Variants in TMEM44 observed in about 807,000 individuals in gnomAD.
TMEM44 encodes the protein transmembrane protein 44.
Under a neutral mutation model 47.8 loss-of-function variants are expected in TMEM44, and 43 were observed. The ratio of observed to expected loss-of-function variants is 0.90; its 90% confidence interval spans 0.70 to 1.16. The LOEUF is 1.16. TMEM44 is among the 50% of genes most tolerant of loss of function. The probability of loss-of-function intolerance (pLI) is 0.00; values close to 1 mark genes in which losing one functional copy is unlikely to be tolerated. For missense variants in TMEM44, 568 were observed against 555.2 expected (o/e 1.02, Z -0.23); for synonymous variants, 277 against 238.8 (o/e 1.16, Z -1.48).
intron 8 of TMEM44, among the ~76,000 whole-genome samples, chr3:194,609,112 T>G (rs1715057574): frequency 6.6e-6 from 1 of 152,012 alleles, no homozygotes; most frequent in Non-Finnish European, 1.5e-5. Context: ...TTTACTAAGA[T>G]GAGGAAGATG....
chr3:194,606,871 T>C (rs1295018425), intron 8 of TMEM44, among the ~76,000 whole-genome samples: 1 of 140,738 alleles, frequency 7.1e-6, no homozygotes, highest in Non-Finnish European at 1.5e-5. Flanking sequence ...GAGAATCTCT[T>C]GAACACAGGA....
At chr3:194,618,537 ATAAAT>A (rs1233535092) in intron 5 of TMEM44, among the ~76,000 whole-genome samples, 16 of 134,390 alleles carry the variant, frequency 1.2e-4, no homozygotes, top group Non-Finnish European at 1.9e-4. Context: ...TTAGTTTTAT[ATAAAT>A]TAAATTATAT....
intron 1 of TMEM44, among the ~76,000 whole-genome samples, chr3:194,632,643 G>A (rs1420488299): frequency 1.3e-5 from 2 of 152,186 alleles, no homozygotes; most frequent in Non-Finnish European, 2.9e-5. Context: ...TGGCCTAGCT[G>A]GAGCAATACA....
At chr3:194,623,366 C>A in intron 4 of TMEM44, 56 bp from the exon 5 acceptor site, 1 of 1,540,326 alleles carries the variant, frequency 6.5e-7, no homozygotes, top group Admixed American at 2.1e-5. Flanking sequence ...TGCCCATGTG[C>A]CCCAAGAAAC....
intron 3 of TMEM44, among the ~76,000 whole-genome samples, 199 bp from the exon 4 acceptor site, chr3:194,623,894 C>T (rs1175959620): frequency 6.6e-6 from 1 of 152,228 alleles, no homozygotes; most frequent in Non-Finnish European, 1.5e-5. Context: ...CTCTCCACCA[C>T]TGACTGCACA....
chr3:194,625,852 A>T (rs373599054), intron 3 of TMEM44, 45 bp downstream of exon 3: 1 of 1,522,898 alleles, frequency 6.6e-7, no homozygotes, highest in African/African-American at 1.4e-5. Flanking sequence ...CGTGCTGATG[A>T]ATGAATGGGT....
intron 9 of TMEM44, among the ~76,000 whole-genome samples, chr3:194,599,268 G>T (rs981836122): frequency 1.3e-5 from 2 of 152,112 alleles, no homozygotes; most frequent in African/African-American, 4.8e-5. Context: ...GTGGGCTGGG[G>T]CCAGTCTATT....
At chr3:194,589,110 C>T (rs759025524) in intron 9 of TMEM44, 37 of 162,244 alleles carry the variant, frequency 2.3e-4, no homozygotes, top group Non-Finnish European at 3.4e-4. Context: ...AGCAATCCTC[C>T]TGCTTCAGCC....
In TMEM44 at chr3:194,623,290, G is replaced by A. The variant is rs1367818331; in HGVS notation, c.546C>T (p.Gly182=). The A allele has an allele frequency of 6.2e-7, 1 of 1,609,816 alleles. No individual in the cohort carries two copies. The highest frequency in any genetic ancestry group is 1.1e-5 in the South Asian group (1 of 90,040). Residue 182 remains glycine, a synonymous_variant, in exon 5 of 10, where the codon GGC becomes GGT. Transcript: ENST00000347147. ...SLLQENTEIL[G]YLLGSVAAFG... ...AGGCAGCAACGCTACCCAGCAGGTA[G>A]CCGAGGATCTCAGTATTTTCCTGCA...
Position 194,617,041 on chromosome 3 carries a change from C to T in TMEM44, c.783+58G>A, listed in dbSNP as rs563770444. On this transcript the variant is annotated intron_variant, in intron 6 of 9. Transcript: ENST00000347147. ...GGGTGGGGCAGGGGCAGTGAGAGGA[C>T]GAGACACAGGCCTCCTCTGGCTGCA... 1.7e-3 allele frequency: 2,407 copies of T among 1,427,770 alleles called. 13 individuals carry two copies. Among genetic ancestry groups the T allele is most frequent in the Non-Finnish European group, 1.2e-3 (1,312 of 1,086,630 alleles). 88.4% of individuals were successfully genotyped at this position (1,427,770 alleles called of 1,614,324 possible).
In TMEM44 at chr3:194,593,071, C is replaced by T. The variant is rs150713705; in HGVS notation, c.1177-4432G>A. ...CCGAGTTTAGGGCCTCCCAATACTTCTGCTGCAGAATAAAAAGAGAGACAG... is the reference window on the plus strand; with the variant it reads ...CCGAGTTTAGGGCCTCCCAATACTTTTGCTGCAGAATAAAAAGAGAGACAG... On this transcript the variant is annotated intron_variant, in intron 9 of 9. Transcript: ENST00000347147. The T allele has an allele frequency of 4.4e-4, 702 of 1,613,560 alleles. 2 individuals carry two copies. The highest frequency in any genetic ancestry group is 5.5e-4 in the Non-Finnish European group (646 of 1,179,688).
At chr3:194,605,343 C>T (rs1006283240) in intron 8 of TMEM44, among the ~76,000 whole-genome samples, 1 of 152,216 alleles carries the variant, frequency 6.6e-6, no homozygotes, top group African/African-American at 2.4e-5. Context: ...GCTTTCCAGA[C>T]CAGCATCTTC....
intron 1 of TMEM44, 32 bp downstream of exon 1, chr3:194,633,047 C>CCCGACAGCCGG: frequency 6.5e-7 from 1 of 1,545,378 alleles, no homozygotes. Flanking sequence ...CGTTTCCCCG[C>CCCGACAGCCGG]CCGACAGCCC....
rs374624188 is a variant in TMEM44 at position 194,617,027 on chromosome 3, G to A, written c.783+72C>T. 3.1e-5 allele frequency: 44 copies of A among 1,409,916 alleles called. No individual in the cohort carries two copies. The African/African-American group carries it at 5.1e-4, about 16-fold the overall frequency. 87.3% of individuals were successfully genotyped at this position (1,409,916 alleles called of 1,614,324 possible). Reference sequence around the variant, plus strand: ...GCAAGAGAAAAGAAGGGTGGGGCAGGGGCAGTGAGAGGACGAGACACAGGC... The same window carrying A: ...GCAAGAGAAAAGAAGGGTGGGGCAGAGGCAGTGAGAGGACGAGACACAGGC... On this transcript the variant is annotated intron_variant, in intron 6 of 9. Transcript: ENST00000347147.
At chr3:194,609,166 T>G (rs1033410327) in intron 8 of TMEM44, among the ~76,000 whole-genome samples, 1 of 152,040 alleles carries the variant, frequency 6.6e-6, no homozygotes, top group Non-Finnish European at 1.5e-5. Context: ...AATTCTGTGT[T>G]GGACGAGGTA....
rs190980169 is a variant in TMEM44, at chr3:194,627,901, C to T, written c.264+482G>A. ...GGCTGAGGCAGGAGAATTGCTTGAACCCAGGAGACGGAGGCTGCAGTGAGC... is the reference window on the plus strand; with the variant it reads ...GGCTGAGGCAGGAGAATTGCTTGAATCCAGGAGACGGAGGCTGCAGTGAGC... On this transcript the variant is annotated intron_variant, in intron 2 of 9. Transcript: ENST00000347147. Among the ~76,000 whole-genome samples, 511 of 152,262 alleles carry T rather than the reference C, an allele frequency of 3.4e-3. 3 individuals carry two copies. Among genetic ancestry groups the T allele is most frequent in the African/African-American group, 0.012 (489 of 41,538 alleles).
At chr3:194,628,995 C>T (rs1717480551) in intron 1 of TMEM44, among the ~76,000 whole-genome samples, 2 of 152,204 alleles carry the variant, frequency 1.3e-5, no homozygotes, top group South Asian at 2.1e-4. Context: ...GAAACCCCGC[C>T]CCTACTAAAA....
rs765967957 is a variant in TMEM44 at position 194,625,905 on chromosome 3, G to T, written c.350C>A (p.Ser117Tyr). The change falls in exon 3 of 10, where the codon TCT (serine) becomes TAT (tyrosine). Residue 117 changes from serine (S) to tyrosine (Y), a missense_variant. By Grantham distance (144) the Ser-to-Tyr change is moderately radical. Coordinates refer to ENST00000347147, the MANE Select transcript of TMEM44 (RefSeq NM_001011655.3). ...LFPVCGSKFK[S>Y]NSDREARERK... ...GACAGCCACACACTCACCTGAATTA[G>T]ACTTGAATTTGGATCCACAGACTGG... The T allele has an allele frequency of 5.0e-6, 8 of 1,612,746 alleles. No individual in the cohort carries two copies. The Admixed American group carries it at 1.3e-4, about 27-fold the overall frequency.
chr3:194,598,354 T>C (rs1713667656), intron 9 of TMEM44, among the ~76,000 whole-genome samples: 1 of 152,058 alleles, frequency 6.6e-6, no homozygotes, highest in Non-Finnish European at 1.5e-5. Context: ...GTCTGTAAAA[T>C]GGGAATAATG....
Sources: gnomAD v4.1 joint callset for allele counts (sites outside exome capture counted in the v4.1 genomes callset) on GRCh38, gnomAD v4.1.1 for gene constraint, MANE v1.5 for transcripts, NCBI Gene and HGNC (gene_info 2026-07-23, HGNC 2026-07-21) for gene names.